ATP9A: variants seen among roughly 807,000 people sequenced by gnomAD.
ATP9A encodes probable phospholipid-transporting ATPase IIA.
In ATP9A, 52 loss-of-function variants were observed where a neutral mutation model predicts 144.1. The ratio of observed to expected loss-of-function variants is 0.36; its 90% CI spans 0.29 to 0.45. The LOEUF (loss-of-function observed/expected upper bound fraction) is 0.45, where lower values mean the gene tolerates loss of function less well. Among genes scored for constraint, ATP9A ranks in the 20% least tolerant of loss-of-function variants. ATP9A has a pLI of 1.00. For synonymous variants in ATP9A, 582 were observed against 557.4 expected (o/e 1.04, Z -0.62); for missense variants, 947 against 1,392.7 (o/e 0.68, Z 5.09).
chr20:51,636,764 T>C (rs1260999530), intron 15 of ATP9A, among the ~76,000 whole-genome samples: 1 of 151,818 alleles, frequency 6.6e-6, no homozygotes, highest in Non-Finnish European at 1.5e-5. Context: ...CATGGTTATG[T>C]ATTAAATGAG....
chr20:51,627,519 A>G, intron 17 of ATP9A, 81 bp downstream of exon 17: 1 of 1,294,346 alleles, frequency 7.7e-7, no homozygotes, highest in Non-Finnish European at 1.1e-6. Flanking sequence ...AATGGCTCGC[A>G]TAGGATGAGG....
chr20:51,765,122 ATAT>A (rs1372346024), intron 1 of ATP9A, among the ~76,000 whole-genome samples: 3 of 152,006 alleles, frequency 2.0e-5, no homozygotes, highest in Non-Finnish European at 4.4e-5. Context: ...GACCCATTAC[ATAT>A]TACTTTTTTC....
At chr20:51,642,725 C>A in intron 14 of ATP9A, among the ~76,000 whole-genome samples, 1 of 65,598 alleles carries the variant, frequency 1.5e-5, no homozygotes, top group Non-Finnish European at 2.8e-5. Context: ...GACTCTGTCT[C>A]CAAAAAAAAA....
intron 4 of ATP9A, among the ~76,000 whole-genome samples, chr20:51,704,015 AG>A (rs1684794008): frequency 6.6e-6 from 1 of 152,186 alleles, no homozygotes; most frequent in East Asian, 1.9e-4. Context: ...CTGCAGACCC[AG>A]CAGAGTTCAG....
At chr20:51,715,013 C>A (rs1732521314) in intron 3 of ATP9A, among the ~76,000 whole-genome samples, 1 of 152,126 alleles carries the variant, frequency 6.6e-6, no homozygotes, top group Non-Finnish European at 1.5e-5. Flanking sequence ...TGTTTACAGT[C>A]ATTCGTTTTC....
chr20:51,750,053 G>C (rs1280709117), intron 1 of ATP9A, among the ~76,000 whole-genome samples: 1 of 152,170 alleles, frequency 6.6e-6, no homozygotes, highest in Non-Finnish European at 1.5e-5. Flanking sequence ...TACTTGGGAG[G>C]CTGAGGCGGG....
At chr20:51,637,351 A>G (rs1394563503) in intron 15 of ATP9A, among the ~76,000 whole-genome samples, 1 of 146,114 alleles carries the variant, frequency 6.8e-6, no homozygotes, top group Non-Finnish European at 1.5e-5. Flanking sequence ...ATCACTGTTG[A>G]ATCCTGCTCA....
chr20:51,748,147 C>T (rs536365956), intron 1 of ATP9A, among the ~76,000 whole-genome samples: 3 of 152,220 alleles, frequency 2.0e-5, no homozygotes, highest in African/African-American at 4.8e-5. Flanking sequence ...CAGCAAGCCA[C>T]ATAAAAAAAT....
At chr20:51,658,783 G>A (rs1193637072) in intron 13 of ATP9A, among the ~76,000 whole-genome samples, 7 of 151,406 alleles carry the variant, frequency 4.6e-5, no homozygotes, top group South Asian at 2.1e-4. Context: ...GCCTCCCAAA[G>A]TGCCGGGATT....
chr20:51,647,834 A>G (rs2077348080), intron 14 of ATP9A, among the ~76,000 whole-genome samples: 1 of 152,228 alleles, frequency 6.6e-6, no homozygotes, highest in Non-Finnish European at 1.5e-5. Context: ...GCCCATGGAT[A>G]AGCTAACACC....
At chr20:51,727,352 G>A (rs1334893709) in intron 2 of ATP9A, among the ~76,000 whole-genome samples, 1 of 151,682 alleles carries the variant, frequency 6.6e-6, no homozygotes, top group Non-Finnish European at 1.5e-5. Flanking sequence ...TTGGGAGGGC[G>A]AGGTTGGCAA....
intron 9 of ATP9A, among the ~76,000 whole-genome samples, chr20:51,680,619 T>C (rs1365417239): frequency 6.6e-6 from 1 of 151,940 alleles, no homozygotes; most frequent in Non-Finnish European, 1.5e-5. Flanking sequence ...AGCTTTTTTA[T>C]TTTTTTTCAA....
At chr20:51,738,364 T>C (rs1377745423) in intron 1 of ATP9A, among the ~76,000 whole-genome samples, 1 of 152,072 alleles carries the variant, frequency 6.6e-6, no homozygotes, top group Non-Finnish European at 1.5e-5. Flanking sequence ...CAAATTGAAC[T>C]GCATATAGAT....
intron 14 of ATP9A, among the ~76,000 whole-genome samples, chr20:51,642,016 T>C (rs2077321607): frequency 6.6e-6 from 1 of 152,042 alleles, no homozygotes. Flanking sequence ...CTTTCTTGAT[T>C]TTTTGTAGAC....
In ATP9A at chr20:51,671,250, C is replaced by T. The variant is rs192171794; in HGVS notation, c.1045G>A (p.Val349Met). The T allele has an allele frequency of 1.1e-5, 18 of 1,613,422 alleles. No homozygotes were observed. Among genetic ancestry groups the T allele is most frequent in the Non-Finnish European group, 1.4e-5 (17 of 1,179,426 alleles). The change falls in exon 12 of 28, where the codon GTG becomes ATG. Residue 349 changes from valine (V) to methionine (M), a missense_variant. Coordinates refer to ENST00000338821, the MANE Select transcript of ATP9A (RefSeq NM_006045.3). ...ACGATCTTGCCCATGTCCAGGTTCA[C>T]ACGCAAACTAGGCACAAAACCAGAG... is the stretch of plus-strand genomic sequence containing the variant. ...FSNIIPISLRVNLDMGKIVYS... is the reference protein window; with the variant it reads ...FSNIIPISLRMNLDMGKIVYS...
intron 2 of ATP9A, among the ~76,000 whole-genome samples, chr20:51,727,167 C>T (rs909509572): frequency 6.6e-6 from 1 of 151,326 alleles, no homozygotes; most frequent in South Asian, 2.1e-4. Flanking sequence ...ATAGGCTACT[C>T]AGGAGGTTGA....
At chr20:51,653,227 AC>A (rs2077374374) in intron 14 of ATP9A, among the ~76,000 whole-genome samples, 1 of 151,882 alleles carries the variant, frequency 6.6e-6, no homozygotes, top group Non-Finnish European at 1.5e-5. Context: ...GAAAAACAAG[AC>A]AAATCTGATT....
chr20:51,651,413 A>G (rs1043895687), intron 14 of ATP9A, among the ~76,000 whole-genome samples: 2 of 145,122 alleles, frequency 1.4e-5, no homozygotes, highest in African/African-American at 5.0e-5. Context: ...ACATATTATA[A>G]ATATGCATAT....
chr20:51,696,249 C>G, intron 5 of ATP9A, 105 bp from the exon 6 acceptor site: 3 of 867,782 alleles, frequency 3.5e-6, no homozygotes, highest in South Asian at 1.6e-5. Context: ...TGGGTTGGGG[C>G]AGGGGGGACT....
Sources: gnomAD v4.1 joint callset for allele counts (sites outside exome capture counted in the v4.1 genomes callset) on GRCh38, gnomAD v4.1.1 for gene constraint, MANE v1.5 for transcripts, NCBI Gene and HGNC (gene_info 2026-07-23, HGNC 2026-07-21) for gene names.